Variants in NEDD8 observed in about 807,000 individuals in gnomAD.
The protein encoded by NEDD8 is NEDD8 ubiquitin like modifier, also known as ubiquitin-like protein NEDD8.
NEDD8 carries 1 observed loss-of-function variant against 13.8 expected under a neutral mutation model. The ratio of observed to expected loss-of-function variants is 0.07; its 90% CI spans 0.03 to 0.34. The LOEUF is 0.34. Ranked by LOEUF, NEDD8 falls within the 10% of genes least tolerant of loss-of-function variation. NEDD8 has a pLI of 0.99. For synonymous variants in NEDD8, 31 were observed against 33.2 expected (o/e 0.93, Z 0.23); for missense variants, 10 against 95.2 (o/e 0.10, Z 3.73).
At chr14:24,224,034 T>G (rs1426803875) in intron 1 of NEDD8, among the ~76,000 whole-genome samples, 1 of 152,090 alleles carries the variant, frequency 6.6e-6, no homozygotes, top group Admixed American at 6.6e-5. Context: ...TTCACGCCAT[T>G]CTCCTGCCTC....
Position 24,218,252 on chromosome 14 carries a change from G to A in NEDD8, c.67-37C>T. 3 of 1,614,040 alleles carry A rather than the reference G, an allele frequency of 1.9e-6. No homozygotes were observed. The South Asian group carries it at 3.3e-5, about 18-fold the overall frequency. The stretch of plus-strand genomic sequence containing the variant: ...CAAGTAGTCAGGGGCTGCTGCTTAG[G>A]GGTAGGACCATGGAAACGGAAAGAA... On this transcript the variant is annotated intron_variant, in intron 2 of 3. Transcript: ENST00000250495.
chr14:24,216,962 T>C lies in NEDD8; in HGVS notation c.*165A>G. 1 of 619,056 alleles carries C rather than the reference T, an allele frequency of 1.6e-6. No homozygotes were observed. The allele number at this position is 619,056 out of a possible 1,614,324, so 38.3% of individuals were successfully genotyped here. ...CACCCAGTAGCCAGCAAGGGCCCTC[T>C]GGGCCAGGAATACTGAATCCTGGGA... On this transcript the variant is annotated 3_prime_UTR_variant, in exon 4 of 4. Coordinates refer to ENST00000250495, the MANE Select transcript of NEDD8 (RefSeq NM_006156.3).
At chr14:24,220,605 A>G (rs965254156) in intron 1 of NEDD8, among the ~76,000 whole-genome samples, 1 of 152,226 alleles carries the variant, frequency 6.6e-6, no homozygotes, top group Non-Finnish European at 1.5e-5. Flanking sequence ...TACAGGCATG[A>G]GCCACCTTGC....
Position 24,231,114 on chromosome 14 carries a change from C to T in NEDD8, c.18+1136G>A, listed in dbSNP as rs1485270481. On this transcript the variant is annotated intron_variant, in intron 1 of 3. Coordinates refer to ENST00000250495, the MANE Select transcript of NEDD8 (RefSeq NM_006156.3). ...CCATGTTGCCCAGGATGGTCTCCAA[C>T]TCCTGGGCTCAAGCGATCGGCCTGC... Among the ~76,000 whole-genome samples the T allele has an allele frequency of 6.6e-5, 10 of 152,242 alleles. No homozygotes were observed. In the East Asian group the frequency reaches 1.7e-3, roughly 26 times the overall value.
intron 1 of NEDD8, chr14:24,231,973 G>A (rs921960853): frequency 4.2e-6 from 2 of 478,060 alleles, no homozygotes; most frequent in African/African-American, 2.0e-5. Flanking sequence ...CGAATACAGT[G>A]AGACCCGACA....
chr14:24,220,873 A>C (rs1360326230), intron 1 of NEDD8, among the ~76,000 whole-genome samples: 1 of 152,222 alleles, frequency 6.6e-6, no homozygotes, highest in Non-Finnish European at 1.5e-5. Flanking sequence ...TTGGGACCCA[A>C]TGTACACTCC....
intron 1 of NEDD8, among the ~76,000 whole-genome samples, chr14:24,230,460 G>C (rs1256757369): frequency 7.0e-6 from 1 of 143,732 alleles, no homozygotes; most frequent in Non-Finnish European, 1.5e-5. Context: ...GCATGAACCC[G>C]GGAGGCGAAG....
At position 24,217,098 on chromosome 14, in the gene NEDD8, C is replaced by A. The variant is rs1566663446; in HGVS notation, c.*29G>T. On this transcript the variant is annotated 3_prime_UTR_variant, in exon 4 of 4. Coordinates refer to ENST00000250495, the MANE Select transcript of NEDD8 (RefSeq NM_006156.3). ...ATATATGATGCCTCATTATGAGCGA[C>A]AGGGTAAAGAGGTAAAATGGAGGGT... 5.1e-6 allele frequency: 8 copies of A among 1,574,076 alleles called. No individual in the cohort carries two copies. The highest frequency in any genetic ancestry group is 7.0e-6 in the Non-Finnish European group (8 of 1,149,340).
At chr14:24,218,993 G>A (rs1246005327) in intron 1 of NEDD8, among the ~76,000 whole-genome samples, 3 of 151,944 alleles carry the variant, frequency 2.0e-5, no homozygotes, top group Admixed American at 1.3e-4. Context: ...TGATCCACCC[G>A]CCTCAGCCTC....
chr14:24,218,355 T>C, intron 2 of NEDD8, 29 bp downstream of exon 2: 1 of 1,614,178 alleles, frequency 6.2e-7, no homozygotes, highest in Non-Finnish European at 8.5e-7. Context: ...TGGCAAGAAG[T>C]ACATGAAGAG....
chr14:24,218,672 G>A (rs1416448879), intron 1 of NEDD8: 2 of 585,254 alleles, frequency 3.4e-6, no homozygotes, highest in Non-Finnish European at 6.0e-6. Context: ...AATTCCATGA[G>A]TCATCTTCCA....
At chr14:24,217,509 C>T (rs964746476) in intron 3 of NEDD8, among the ~76,000 whole-genome samples, 1 of 152,080 alleles carries the variant, frequency 6.6e-6, no homozygotes, top group South Asian at 2.1e-4. Flanking sequence ...AGGCTGGTCT[C>T]GAACTCCTGA....
intron 1 of NEDD8, among the ~76,000 whole-genome samples, chr14:24,222,105 T>C (rs2039819278): frequency 6.6e-6 from 1 of 152,170 alleles, no homozygotes; most frequent in Admixed American, 6.5e-5. Context: ...CCAGCAACAA[T>C]ACTTCCAGGA....
intron 3 of NEDD8, 42 bp from the exon 4 acceptor site, chr14:24,217,265 TA>T: frequency 6.6e-7 from 1 of 1,514,386 alleles, no homozygotes; most frequent in Non-Finnish European, 9.0e-7. Flanking sequence ...AAAGAAGACT[TA>T]GGAGTTTTTT....
intron 1 of NEDD8, among the ~76,000 whole-genome samples, chr14:24,230,934 G>A (rs1207138122): frequency 2.1e-5 from 3 of 145,344 alleles, no homozygotes; most frequent in Admixed American, 7.0e-5. Flanking sequence ...TTCAGGCAGG[G>A]TCTGGAGTGC....
Position 24,218,745 on chromosome 14 carries a change from GATTT to G in NEDD8, c.19-318_19-315del, listed in dbSNP as rs373989716. The G allele has an allele frequency of 3.9e-5, 16 of 405,122 alleles. 1 individual carries two copies. The highest frequency in any genetic ancestry group is 8.2e-5 in the African/African-American group (4 of 48,824). 25.1% of individuals were successfully genotyped at this position (405,122 alleles called of 1,614,324 possible). ...ATTTTAGATGATACGGCAATGAAAGGATTTATTTATTTATTTTTGAGATGGAGTT... is the reference window on the plus strand; with the variant it reads ...ATTTTAGATGATACGGCAATGAAAGGATTTATTTATTTTTGAGATGGAGTT... On this transcript the variant is annotated intron_variant, in intron 1 of 3. Coordinates refer to ENST00000250495, the MANE Select transcript of NEDD8 (RefSeq NM_006156.3).
intron 1 of NEDD8, chr14:24,227,514 A>C (rs763514598): frequency 6.6e-6 from 1 of 152,218 alleles, no homozygotes; most frequent in Non-Finnish European, 1.5e-5. Flanking sequence ...AGGGTAATGG[A>C]GATGGAAACA....
chr14:24,231,755 TACC>T (rs1410238349), intron 1 of NEDD8: 1 of 155,414 alleles, frequency 6.4e-6, no homozygotes, highest in Non-Finnish European at 1.4e-5. Flanking sequence ...ACGGGTGAGA[TACC>T]ACACCTTGGC....
chr14:24,232,066 C>T (rs1054560096), intron 1 of NEDD8, 184 bp downstream of exon 1: 2 of 888,604 alleles, frequency 2.3e-6, no homozygotes, highest in African/African-American at 3.4e-5. Flanking sequence ...CAGGTGGGAC[C>T]TGGGCCCCGC....
Sources: allele counts gnomAD v4.1 joint callset (sites outside exome capture counted in the v4.1 genomes callset), GRCh38; gene constraint gnomAD v4.1.1; transcripts MANE v1.5; gene names NCBI Gene and HGNC (gene_info 2026-07-23, HGNC 2026-07-21).